The following CNTN4 variants were observed in gnomAD, a reference collection of about 807,000 sequenced individuals.
The protein encoded by CNTN4 is contactin-4.
CNTN4 carries 77 observed loss-of-function variants against 122.5 expected under a neutral mutation model. That is an observed-to-expected ratio of 0.63 (90% confidence interval 0.52 to 0.76). CNTN4 has a LOEUF of 0.76. Ranked by LOEUF, CNTN4 falls within the 30% of genes least tolerant of loss-of-function variation. The pLI is 0.00. For synonymous variants in CNTN4, 512 were observed against 447.0 expected, an observed-to-expected ratio of 1.15 and a Z score of -1.83; for missense variants, 1,256 against 1,259.1, an observed-to-expected ratio of 1.00 and a Z score of 0.04.
intron 3 of CNTN4, among the ~76,000 whole-genome samples, chr3:2,487,630 G>GTTTGT (rs556883510): frequency 1.1e-4 from 16 of 151,944 alleles, no homozygotes; most frequent in South Asian, 4.1e-4. Context: ...CTCTTTTTTT[G>GTTTGT]TTTGTTTTGT....
chr3:2,675,964 T>A (rs1429785127), intron 4 of CNTN4, among the ~76,000 whole-genome samples: 2 of 152,224 alleles, frequency 1.3e-5, no homozygotes, highest in Non-Finnish European at 2.9e-5. Context: ...AAAATACCCA[T>A]GATTTAAATT....
chr3:2,646,293 T>C (rs921101531), intron 4 of CNTN4, among the ~76,000 whole-genome samples: 22 of 152,190 alleles, frequency 1.4e-4, no homozygotes, highest in Non-Finnish European at 2.8e-4. Flanking sequence ...TAGGACTTCA[T>C]AGTATTTTTA....
At chr3:2,990,960 CAAT>C (rs1405934610) in intron 14 of CNTN4, among the ~76,000 whole-genome samples, 2 of 151,866 alleles carry the variant, frequency 1.3e-5, no homozygotes, top group Non-Finnish European at 2.9e-5. Flanking sequence ...ATAATAACAA[CAAT>C]ATTTCAAAAT....
intron 4 of CNTN4, among the ~76,000 whole-genome samples, chr3:2,646,036 T>TTGTTTG (rs2083102665): frequency 6.6e-6 from 1 of 152,222 alleles, no homozygotes; most frequent in African/African-American, 2.4e-5. Flanking sequence ...AGCTTAGTAT[T>TTGTTTG]TGTTTGTTTC....
intron 4 of CNTN4, among the ~76,000 whole-genome samples, chr3:2,647,573 T>G (rs1359644893): frequency 6.6e-6 from 1 of 152,008 alleles, no homozygotes; most frequent in Non-Finnish European, 1.5e-5. Context: ...TTATATTAGG[T>G]CTCTATTCCA....
intron 14 of CNTN4, among the ~76,000 whole-genome samples, chr3:3,008,629 C>T (rs1157329475): frequency 6.6e-6 from 1 of 152,124 alleles, no homozygotes; most frequent in East Asian, 1.9e-4. Context: ...TAAGTCGTTC[C>T]GTGTCTAAGA....
intron 2 of CNTN4, among the ~76,000 whole-genome samples, chr3:2,194,310 A>C (rs1216453368): frequency 2.0e-5 from 3 of 151,862 alleles, no homozygotes; most frequent in Admixed American, 2.0e-4. Context: ...AAAAAAAACA[A>C]ATTAGCCAGG....
At chr3:2,712,712 A>G (rs1174197060) in intron 4 of CNTN4, among the ~76,000 whole-genome samples, 1 of 152,180 alleles carries the variant, frequency 6.6e-6, no homozygotes, top group East Asian at 1.9e-4. Context: ...CAGAAAGACA[A>G]AGTCATGCTT....
intron 13 of CNTN4, among the ~76,000 whole-genome samples, chr3:2,944,079 A>G (rs1245100882): frequency 6.6e-6 from 1 of 152,074 alleles, no homozygotes. Flanking sequence ...AGTAGCTCTA[A>G]TAACCTTTAC....
chr3:2,644,282 G>C lies in CNTN4; in HGVS notation c.55+72724G>C, dbSNP rs532198471. ...TCCCATCGCCGAGTTTTATTTTAGA[G>C]TCTCAGAATGGGTCTAGTGACACTT... On this transcript the variant is annotated intron_variant, in intron 4 of 24. Coordinates refer to ENST00000418658, the MANE Select transcript of CNTN4 (RefSeq NM_175607.3). Among the ~76,000 whole-genome samples the C allele has an allele frequency of 1.3e-3, 195 of 152,334 alleles. 1 individual carries two copies. Among genetic ancestry groups the C allele is most frequent in the African/African-American group, 3.7e-3 (152 of 41,586 alleles).
rs2093637277 is a variant in CNTN4 at position 2,858,330 on chromosome 3, T to C, written c.455-8422T>C. Among the ~76,000 whole-genome samples, 2 of 152,202 alleles carry C rather than the reference T, an allele frequency of 1.3e-5. 1 individual carries two copies. The highest frequency in any genetic ancestry group is 4.1e-4 in the South Asian group (2 of 4,828). The stretch of plus-strand genomic sequence containing the variant: ...CAAGCCTTTCCAGTGATTGTGATGC[T>C]TACTCAAATTTGAGAACCACTTGTT... On this transcript the variant is annotated intron_variant, in intron 7 of 24. Transcript: ENST00000418658.
At chr3:2,312,023 T>A (rs150485639) in intron 2 of CNTN4, among the ~76,000 whole-genome samples, 141 of 150,764 alleles carry the variant, frequency 9.4e-4, no homozygotes, top group African/African-American at 3.3e-3. Context: ...AAAGTGAGAG[T>A]TTTTTTTTGA....
At chr3:2,511,082 A>G (rs1246724514) in intron 3 of CNTN4, among the ~76,000 whole-genome samples, 1 of 152,148 alleles carries the variant, frequency 6.6e-6, no homozygotes, top group African/African-American at 2.4e-5. Context: ...TAAAATCCGT[A>G]GAAGAGATGA....
At position 3,039,208 on chromosome 3, in the gene CNTN4, A is replaced by G. The variant is rs535634834; in HGVS notation, c.2163+205A>G. On this transcript the variant is annotated intron_variant, in intron 19 of 24. Transcript: ENST00000418658. ...CATTGTTGAGGCAAGTTTTAATTCA[A>G]TCCATCACAGTAAAAACAATTATGA... 9 of 566,252 alleles carry G rather than the reference A, an allele frequency of 1.6e-5. No homozygotes were observed. The South Asian group carries it at 1.7e-4, about 11-fold the overall frequency. The allele number at this position is 566,252 out of a possible 1,614,324, so 35.1% of individuals were successfully genotyped here.
intron 14 of CNTN4, among the ~76,000 whole-genome samples, chr3:3,003,714 A>AAAAAC (rs1696300635): frequency 1.8e-5 from 2 of 110,282 alleles, no homozygotes; most frequent in Admixed American, 9.6e-5. Flanking sequence ...AAAAAAAAAA[A>AAAAAC]CAAAAAAACC....
At chr3:2,869,164 C>T (rs773842993) in intron 8 of CNTN4, among the ~76,000 whole-genome samples, 5 of 152,108 alleles carry the variant, frequency 3.3e-5, no homozygotes, top group Non-Finnish European at 7.3e-5. Flanking sequence ...TCGAGTGCAG[C>T]GAGAAGCCGT....
chr3:2,651,784 C>T (rs1046638747), intron 4 of CNTN4, among the ~76,000 whole-genome samples: 27 of 151,328 alleles, frequency 1.8e-4, no homozygotes, highest in African/African-American at 5.3e-4. Flanking sequence ...CTCACTGCAA[C>T]CTCCACCTCC....
chr3:2,985,955 C>T (rs1197088948), intron 13 of CNTN4, among the ~76,000 whole-genome samples: 1 of 145,858 alleles, frequency 6.9e-6, no homozygotes, highest in Non-Finnish European at 1.5e-5. Context: ...CGCTCTGTCT[C>T]CTAGGCTGGA....
chr3:2,386,335 A>C (rs2150831499), intron 3 of CNTN4, among the ~76,000 whole-genome samples: 1 of 152,258 alleles, frequency 6.6e-6, no homozygotes, highest in Admixed American at 6.5e-5. Context: ...GTAAAGTTGC[A>C]GTATTGAGAC....
Sources: allele counts gnomAD v4.1 joint callset (sites outside exome capture counted in the v4.1 genomes callset), GRCh38; gene constraint gnomAD v4.1.1; transcripts MANE v1.5; gene names NCBI Gene and HGNC (gene_info 2026-07-23, HGNC 2026-07-21).